The following TMTC2 variants were observed in gnomAD, a reference collection of about 807,000 sequenced individuals.
TMTC2 encodes protein O-mannosyl-transferase TMTC2.
In TMTC2, 43 loss-of-function variants were observed where a neutral mutation model predicts 82.4. That is an observed-to-expected ratio of 0.52 (90% CI 0.41 to 0.67). The LOEUF (loss-of-function observed/expected upper bound fraction) is 0.67, where lower values mean the gene tolerates loss of function less well. Ranked by LOEUF, TMTC2 falls within the 30% of genes least tolerant of loss-of-function variation. The pLI is 0.00. For synonymous variants in TMTC2, 408 were observed against 381.9 expected, an observed-to-expected ratio of 1.07 and a Z score of -0.80; for missense variants, 919 against 1,012.4, an observed-to-expected ratio of 0.91 and a Z score of 1.25.
intron 1 of TMTC2, among the ~76,000 whole-genome samples, chr12:82,701,407 C>T (rs542804792): frequency 3.4e-4 from 52 of 151,966 alleles, no homozygotes; most frequent in Non-Finnish European, 5.7e-4. Flanking sequence ...CATACTCTCA[C>T]CAGGACCTAC....
At chr12:83,075,609 C>T (rs901632449) in intron 11 of TMTC2, among the ~76,000 whole-genome samples, 2 of 152,186 alleles carry the variant, frequency 1.3e-5, no homozygotes, top group African/African-American at 4.8e-5. Flanking sequence ...TCCTCAAATA[C>T]ATATTCTACT....
At chr12:82,886,077 A>C (rs977479330) in intron 2 of TMTC2, among the ~76,000 whole-genome samples, 1 of 152,086 alleles carries the variant, frequency 6.6e-6, no homozygotes, top group Non-Finnish European at 1.5e-5. Context: ...ATCCACTGCC[A>C]CTTTACTTTT....
In TMTC2 at chr12:82,896,394, C is replaced by T; in HGVS notation, c.1231C>T (p.Leu411=). 1 of 1,614,090 alleles carries T rather than the reference C, an allele frequency of 6.2e-7. No individual in the cohort carries two copies. Among genetic ancestry groups the T allele is most frequent in the South Asian group, 1.1e-5 (1 of 91,080 alleles). Residue 411 remains leucine (L), a synonymous_variant, in exon 3 of 12, where the codon CTG becomes TTG. Coordinates refer to ENST00000321196, the MANE Select transcript of TMTC2 (RefSeq NM_152588.3). ...CATACCCTTTGTTCCTGCCACGAACCTGTTTTTCTATGTCGGCTTTGTAAT... is the reference window on the plus strand; with the variant it reads ...CATACCCTTTGTTCCTGCCACGAACTTGTTTTTCTATGTCGGCTTTGTAAT... ...LIIPFVPATN[L]FFYVGFVIAE... is the part of the protein sequence containing the mutation.
intron 1 of TMTC2, among the ~76,000 whole-genome samples, chr12:82,825,958 G>T (rs942765611): frequency 1.3e-5 from 2 of 152,092 alleles, no homozygotes; most frequent in African/African-American, 4.8e-5. Flanking sequence ...AAATTATTGC[G>T]AATGGAAAGT....
chr12:82,988,842 G>A (rs923429931), intron 8 of TMTC2, among the ~76,000 whole-genome samples: 102 of 147,518 alleles, frequency 6.9e-4, no homozygotes, highest in African/African-American at 2.5e-3. Context: ...ACAGAGCACA[G>A]TGAATCTATT....
At chr12:82,750,871 T>C (rs1032578764) in intron 1 of TMTC2, among the ~76,000 whole-genome samples, 1 of 152,166 alleles carries the variant, frequency 6.6e-6, no homozygotes, top group Non-Finnish European at 1.5e-5. Flanking sequence ...TAAATAGTTA[T>C]TGATTGAACA....
intron 10 of TMTC2, among the ~76,000 whole-genome samples, chr12:83,056,897 A>C (rs1294462593): frequency 6.6e-6 from 1 of 151,812 alleles, no homozygotes; most frequent in African/African-American, 2.4e-5. Context: ...ACACCTGGGG[A>C]ATGTTGTTAA....
chr12:82,714,961 A>G (rs7307015), intron 1 of TMTC2, among the ~76,000 whole-genome samples: 150,558 of 152,280 alleles, frequency 0.99, 74,450 homozygotes, highest in Middle Eastern at 1. Context: ...GCTGACAAAA[A>G]GCAGATTAAT....
chr12:82,734,381 C>T (rs1326994584), intron 1 of TMTC2, among the ~76,000 whole-genome samples: 3 of 152,080 alleles, frequency 2.0e-5, no homozygotes, highest in Non-Finnish European at 4.4e-5. Context: ...GAGTGAGGTT[C>T]CTGTGTTCTT....
chr12:83,069,898 C>G (rs2137485797), intron 11 of TMTC2, among the ~76,000 whole-genome samples: 1 of 152,078 alleles, frequency 6.6e-6, no homozygotes, highest in Middle Eastern at 3.4e-3. Flanking sequence ...GTTTCATTCT[C>G]CCACATGTGG....
At chr12:82,893,821 A>T (rs1873522870) in intron 2 of TMTC2, among the ~76,000 whole-genome samples, 5 of 152,230 alleles carry the variant, frequency 3.3e-5, no homozygotes, top group Admixed American at 3.3e-4. Flanking sequence ...CTAAGATCTT[A>T]AAAGTAAGAT....
chr12:82,706,986 G>A (rs967643254), intron 1 of TMTC2, among the ~76,000 whole-genome samples: 1 of 152,154 alleles, frequency 6.6e-6, no homozygotes, highest in Non-Finnish European at 1.5e-5. Flanking sequence ...CTAAAACTTC[G>A]TCATTGCACC....
intron 8 of TMTC2, among the ~76,000 whole-genome samples, chr12:83,024,916 A>G (rs965726060): frequency 6.6e-6 from 1 of 152,194 alleles, no homozygotes; most frequent in Non-Finnish European, 1.5e-5. Flanking sequence ...ATAGGGCCAT[A>G]CATGGTGGCT....
At chr12:82,985,841 G>A (rs1000029974) in intron 7 of TMTC2, 84 bp from the exon 8 acceptor site, 1 of 986,464 alleles carries the variant, frequency 1.0e-6, no homozygotes, top group Non-Finnish European at 1.4e-6. Flanking sequence ...CACGCAGTAT[G>A]ATGATGATGA....
chr12:83,077,880 CTT>C (rs751044763), intron 11 of TMTC2, among the ~76,000 whole-genome samples: 56 of 92,954 alleles, frequency 6.0e-4, no homozygotes, highest in African/African-American at 2.4e-3. Flanking sequence ...GACAATCTGT[CTT>C]TTTTTTTTTT....
intron 11 of TMTC2, among the ~76,000 whole-genome samples, chr12:83,095,305 A>G (rs955027343): frequency 4.1e-5 from 6 of 146,696 alleles, no homozygotes; most frequent in African/African-American, 5.1e-5. Flanking sequence ...CAGTGGCGTG[A>G]TCTCGGCTCA....
chr12:82,732,724 A>G (rs1304104074), intron 1 of TMTC2, among the ~76,000 whole-genome samples: 1 of 152,238 alleles, frequency 6.6e-6, no homozygotes, highest in Non-Finnish European at 1.5e-5. Flanking sequence ...TTTGGTTTCC[A>G]GCTGTGTGGA....
chr12:83,031,823 C>T (rs960759790), intron 9 of TMTC2, among the ~76,000 whole-genome samples: 1 of 151,846 alleles, frequency 6.6e-6, no homozygotes, highest in African/African-American at 2.4e-5. Flanking sequence ...CTCAAATAAC[C>T]ACAAATCCAT....
chr12:83,020,203 G>A (rs995649177), intron 8 of TMTC2, among the ~76,000 whole-genome samples: 8 of 152,112 alleles, frequency 5.3e-5, no homozygotes, highest in South Asian at 2.1e-4. Context: ...TTCGTGCTTC[G>A]TTAGGGCAGG....
Sources: allele counts gnomAD v4.1 joint callset (sites outside exome capture counted in the v4.1 genomes callset), GRCh38; gene constraint gnomAD v4.1.1; transcripts MANE v1.5; gene names NCBI Gene and HGNC (gene_info 2026-07-23, HGNC 2026-07-21).